The following LDLRAD4 variants were observed in gnomAD, a reference collection of about 807,000 sequenced individuals.
LDLRAD4 encodes low-density lipoprotein receptor class A domain-containing protein 4.
LDLRAD4 carries 5 observed loss-of-function variants against 17.0 expected under a neutral mutation model. The observed-to-expected ratio is 0.29, with a 90% CI of 0.15 to 0.62. The LOEUF is 0.62. Ranked by LOEUF, LDLRAD4 falls within the 20% of genes least tolerant of loss-of-function variation. The pLI is 0.84. For missense variants in LDLRAD4, 340 were observed against 424.7 expected, an observed-to-expected ratio of 0.80 and a Z score of 1.75; for synonymous variants, 168 against 171.8, an observed-to-expected ratio of 0.98 and a Z score of 0.17.
exon 6 of LDLRAD4, chr18:13,652,266 A>C (rs538949258): frequency 6.6e-6 from 1 of 152,234 alleles, no homozygotes; most frequent in South Asian, 2.1e-4. Flanking sequence ...ATACTGGTTC[A>C]TTTTAATGTG....
At chr18:13,608,524 C>T (rs1468762751) in intron 3 of LDLRAD4, among the ~76,000 whole-genome samples, 2 of 152,182 alleles carry the variant, frequency 1.3e-5, no homozygotes, top group Non-Finnish European at 2.9e-5. Context: ...TGAGTAGCCG[C>T]TGAGCTACTA....
chr18:13,414,755 G>A (rs773440572), intron 2 of LDLRAD4, among the ~76,000 whole-genome samples: 2 of 152,166 alleles, frequency 1.3e-5, no homozygotes, highest in Non-Finnish European at 2.9e-5. Context: ...AAGCCCACAC[G>A]CCCTTCTGTC....
At chr18:13,284,945 C>T (rs2045528967) in intron 1 of LDLRAD4, among the ~76,000 whole-genome samples, 1 of 152,092 alleles carries the variant, frequency 6.6e-6, no homozygotes, top group African/African-American at 2.4e-5. Context: ...GAGGGGCGTC[C>T]TTTGGGGATG....
chr18:13,470,625 A>G (rs1408775076), intron 3 of LDLRAD4, among the ~76,000 whole-genome samples: 1 of 149,902 alleles, frequency 6.7e-6, no homozygotes, highest in Non-Finnish European at 1.5e-5. Context: ...TGTCAGTCAG[A>G]GGCACATGCT....
At chr18:13,535,649 T>G (rs1339618701) in intron 3 of LDLRAD4, among the ~76,000 whole-genome samples, 2 of 152,186 alleles carry the variant, frequency 1.3e-5, no homozygotes, top group African/African-American at 4.8e-5. Context: ...GATGAAGAGC[T>G]TTTTATTTGT....
At chr18:13,408,168 G>A (rs1284616402) in intron 2 of LDLRAD4, among the ~76,000 whole-genome samples, 1 of 152,102 alleles carries the variant, frequency 6.6e-6, no homozygotes, top group African/African-American at 2.4e-5. Context: ...GAGGCTGGGA[G>A]TTCGAGACCA....
chr18:13,329,034 A>G (rs538927494), intron 1 of LDLRAD4, among the ~76,000 whole-genome samples: 3 of 152,308 alleles, frequency 2.0e-5, no homozygotes, highest in South Asian at 2.1e-4. Context: ...ACAGTTGCAT[A>G]GTTTTGACTG....
chr18:13,236,034 T>G (rs1490570656), intron 1 of LDLRAD4, among the ~76,000 whole-genome samples: 5 of 152,214 alleles, frequency 3.3e-5, no homozygotes, highest in African/African-American at 1.2e-4. Flanking sequence ...GCTAAGGGTG[T>G]GGAATAAAAA....
chr18:13,560,046 G>T (rs1037033712), intron 3 of LDLRAD4, among the ~76,000 whole-genome samples: 6 of 152,108 alleles, frequency 3.9e-5, no homozygotes, highest in Non-Finnish European at 8.8e-5. Context: ...GTATTATATG[G>T]GTACTTTTTA....
chr18:13,522,877 G>A (rs184030204), intron 3 of LDLRAD4: 52 of 152,270 alleles, frequency 3.4e-4, no homozygotes, highest in African/African-American at 1.2e-3. Flanking sequence ...ATGTATGTAC[G>A]AAGTTTGTAA....
At chr18:13,371,342 G>C (rs1279834040) in intron 1 of LDLRAD4, among the ~76,000 whole-genome samples, 1 of 152,214 alleles carries the variant, frequency 6.6e-6, no homozygotes, top group Non-Finnish European at 1.5e-5. Flanking sequence ...AGTGTTCCAT[G>C]CCCTGCTGCT....
At chr18:13,415,329 G>T (rs763767657) in intron 2 of LDLRAD4, among the ~76,000 whole-genome samples, 1 of 152,232 alleles carries the variant, frequency 6.6e-6, no homozygotes, top group Non-Finnish European at 1.5e-5. Context: ...CTGGAAGTAT[G>T]ACCTTTCTCC....
chr18:13,611,949 G>A (rs1039936571), intron 3 of LDLRAD4: 1 of 985,398 alleles, frequency 1.0e-6, no homozygotes, highest in Non-Finnish European at 1.2e-6. Context: ...CTGGCTCGCA[G>A]CCTGAGGGAC....
chr18:13,318,848 C>A (rs944707617), intron 1 of LDLRAD4, among the ~76,000 whole-genome samples: 1 of 152,170 alleles, frequency 6.6e-6, no homozygotes. Context: ...TTCCTGTCCA[C>A]GTTAGAAAAG....
chr18:13,479,741 G>GA (rs1443344124), intron 3 of LDLRAD4, among the ~76,000 whole-genome samples: 1 of 151,958 alleles, frequency 6.6e-6, no homozygotes, highest in Non-Finnish European at 1.5e-5. Context: ...TAAGAAAAAA[G>GA]AAAAAAACCT....
At position 13,499,668 on chromosome 18, in the gene LDLRAD4, C is replaced by T. The variant is rs185033916; in HGVS notation, c.181+61284C>T. ...GTGGATACTGGAGAATCCTTCTCGC[C>T]GCACACGTCCTGCCATGGACACCGG... On this transcript the variant is annotated intron_variant, in intron 3 of 5. Transcript: ENST00000359446. Among the ~76,000 whole-genome samples, 964 of 151,868 alleles carry T rather than the reference C, an allele frequency of 6.3e-3. 6 individuals carry two copies. Among genetic ancestry groups the T allele is most frequent in the Non-Finnish European group, 9.4e-3 (638 of 67,902 alleles).
At chr18:13,491,535 C>T (rs1011891786) in intron 3 of LDLRAD4, 3 of 152,172 alleles carry the variant, frequency 2.0e-5, no homozygotes, top group African/African-American at 2.4e-5. Context: ...TAATAGCTGG[C>T]GCCAGTGAAT....
intron 3 of LDLRAD4, among the ~76,000 whole-genome samples, chr18:13,602,335 G>A (rs901908287): frequency 4.6e-5 from 7 of 152,004 alleles, no homozygotes; most frequent in African/African-American, 9.7e-5. Flanking sequence ...GAACTTGATC[G>A]TATCAGACAG....
chr18:13,609,067 C>G (rs770727175), intron 3 of LDLRAD4, among the ~76,000 whole-genome samples: 1 of 152,142 alleles, frequency 6.6e-6, no homozygotes, highest in African/African-American at 2.4e-5. Flanking sequence ...AGAGTACTTA[C>G]GTGAAAGATG....
Sources: allele counts gnomAD v4.1 joint callset (sites outside exome capture counted in the v4.1 genomes callset), GRCh38; gene constraint gnomAD v4.1.1; transcripts MANE v1.5; gene names NCBI Gene and HGNC (gene_info 2026-07-23, HGNC 2026-07-21).